PDGFC: variants seen among roughly 807,000 people sequenced by gnomAD.
PDGFC encodes the protein platelet derived growth factor C.
A neutral mutation model predicts 35.5 loss-of-function variants in PDGFC; 12 were observed. The observed-to-expected ratio is 0.34, with a 90% CI of 0.22 to 0.55. The LOEUF is 0.55. PDGFC is among the 20% of genes least tolerant of loss of function. The pLI is 0.91. For synonymous variants in PDGFC, 159 were observed against 148.8 expected (o/e 1.07, Z -0.50); for missense variants, 322 against 412.4 (o/e 0.78, Z 1.90).
chr4:156,909,802 T>A (rs116014516), intron 1 of PDGFC, among the ~76,000 whole-genome samples: 2,259 of 152,226 alleles, frequency 0.015, 60 homozygotes, highest in African/African-American at 0.051. Context: ...AATGAACTTA[T>A]TTGGAAATAA....
intron 1 of PDGFC, among the ~76,000 whole-genome samples, chr4:156,919,963 G>C (rs1226083660): frequency 6.6e-6 from 1 of 152,164 alleles, no homozygotes; most frequent in Non-Finnish European, 1.5e-5. Flanking sequence ...CCTCCCTCCA[G>C]TAATGAGTGA....
At chr4:156,906,493 A>G (rs1466380884) in intron 1 of PDGFC, among the ~76,000 whole-genome samples, 1 of 152,144 alleles carries the variant, frequency 6.6e-6, no homozygotes, top group East Asian at 1.9e-4. Flanking sequence ...GGGATGTAAA[A>G]CTATAATTTT....
chr4:156,815,050 C>T (rs368571734), intron 2 of PDGFC, among the ~76,000 whole-genome samples: 64 of 152,164 alleles, frequency 4.2e-4, no homozygotes, highest in Admixed American at 5.9e-4. Context: ...TATGACAGTG[C>T]TTTGAAAAAT....
chr4:156,784,256 G>GC (rs1230159774), intron 3 of PDGFC, among the ~76,000 whole-genome samples: 2 of 152,174 alleles, frequency 1.3e-5, no homozygotes, highest in African/African-American at 4.8e-5. Flanking sequence ...TAGACCAATG[G>GC]CCAAGGCACT....
At chr4:156,835,654 T>C (rs574086576) in intron 2 of PDGFC, among the ~76,000 whole-genome samples, 6 of 152,204 alleles carry the variant, frequency 3.9e-5, no homozygotes, top group Non-Finnish European at 8.8e-5. Flanking sequence ...AAAATCCTAT[T>C]ATATTTTAAG....
At chr4:156,798,507 A>G (rs1731509723) in intron 3 of PDGFC, among the ~76,000 whole-genome samples, 1 of 152,206 alleles carries the variant, frequency 6.6e-6, no homozygotes, top group Non-Finnish European at 1.5e-5. Context: ...ACTTTAACAC[A>G]AAACAAAACA....
chr4:156,927,498 A>C (rs191434886), intron 1 of PDGFC, among the ~76,000 whole-genome samples: 2 of 152,304 alleles, frequency 1.3e-5, no homozygotes, highest in Admixed American at 6.5e-5. Context: ...TTTGCTGCTT[A>C]GAAATTTCTT....
chr4:156,886,372 T>C (rs1236356007), intron 1 of PDGFC, among the ~76,000 whole-genome samples: 1 of 152,220 alleles, frequency 6.6e-6, no homozygotes. Flanking sequence ...CAAAAGATTT[T>C]ACCCATGAGA....
chr4:156,948,705 C>A (rs1013373790), intron 1 of PDGFC, among the ~76,000 whole-genome samples: 2 of 152,002 alleles, frequency 1.3e-5, no homozygotes, highest in African/African-American at 4.8e-5. Flanking sequence ...CGCTGCCCTA[C>A]AGCCTTTATA....
intron 1 of PDGFC, among the ~76,000 whole-genome samples, chr4:156,859,267 T>A (rs943861637): frequency 6.6e-5 from 10 of 152,054 alleles, no homozygotes; most frequent in African/African-American, 2.4e-4. Flanking sequence ...TCCTGTTCCA[T>A]TTAGCATTTT....
intron 1 of PDGFC, among the ~76,000 whole-genome samples, chr4:156,883,415 T>C (rs901977062): frequency 1.3e-5 from 2 of 152,194 alleles, no homozygotes; most frequent in African/African-American, 4.8e-5. Context: ...ACTCTTAGTG[T>C]ACAACTCATC....
chr4:156,810,728 T>A (rs564171669), intron 3 of PDGFC, 109 bp downstream of exon 3: 2 of 693,280 alleles, frequency 2.9e-6, no homozygotes, highest in South Asian at 3.9e-5. Flanking sequence ...AAATCCCAGC[T>A]AGGTTTGTTT....
chr4:156,962,012 A>T (rs1055118146), intron 1 of PDGFC, among the ~76,000 whole-genome samples: 1 of 152,136 alleles, frequency 6.6e-6, no homozygotes, highest in Non-Finnish European at 1.5e-5. Context: ...TTATCTGCAC[A>T]CACCAAAGCA....
intron 3 of PDGFC, among the ~76,000 whole-genome samples, chr4:156,794,971 C>T (rs760122591): frequency 1.3e-5 from 2 of 152,110 alleles, no homozygotes; most frequent in Non-Finnish European, 2.9e-5. Flanking sequence ...CTATTGCCAT[C>T]GCTGACCTGG....
intron 1 of PDGFC, among the ~76,000 whole-genome samples, chr4:156,881,827 C>CA (rs758716456): frequency 0.089 from 7,261 of 82,006 alleles, 278 homozygotes; most frequent in African/African-American, 0.15. Context: ...GCCTCAGTCT[C>CA]AAAAAAAAAA....
intron 1 of PDGFC, among the ~76,000 whole-genome samples, chr4:156,963,395 G>C (rs1446371519): frequency 6.6e-6 from 1 of 151,976 alleles, no homozygotes; most frequent in African/African-American, 2.4e-5. Context: ...ACCTGAGCCT[G>C]GGGAAGTTAA....
chr4:156,873,676 T>C (rs1446569156), intron 1 of PDGFC, among the ~76,000 whole-genome samples: 3 of 152,176 alleles, frequency 2.0e-5, no homozygotes, highest in Non-Finnish European at 2.9e-5. Context: ...TAATGCAATT[T>C]CTTAAATGTA....
At chr4:156,845,894 A>G (rs144940964) in intron 2 of PDGFC, among the ~76,000 whole-genome samples, 8 of 151,990 alleles carry the variant, frequency 5.3e-5, no homozygotes, top group Middle Eastern at 6.8e-3. Flanking sequence ...TGAAAGAACA[A>G]TGAATAAACC....
At chr4:156,962,617 T>C (rs558488219) in intron 1 of PDGFC, among the ~76,000 whole-genome samples, 73 of 152,258 alleles carry the variant, frequency 4.8e-4, no homozygotes, top group African/African-American at 1.7e-3. Context: ...ATTTGCTGAA[T>C]GAAAACAATG....
Sources: gnomAD v4.1 joint callset for allele counts (sites outside exome capture counted in the v4.1 genomes callset) on GRCh38, gnomAD v4.1.1 for gene constraint, MANE v1.5 for transcripts, NCBI Gene and HGNC (gene_info 2026-07-23, HGNC 2026-07-21) for gene names.